Variants in TRDN observed in about 807,000 individuals in gnomAD.
The protein encoded by TRDN is triadin in skeletal muscle.
In TRDN, 161 loss-of-function variants were observed where a neutral mutation model predicts 149.7. That is an observed-to-expected ratio of 1.08 (90% CI 0.95 to 1.23). TRDN has a LOEUF of 1.23. Ranked by LOEUF, TRDN falls within the 50% of genes most tolerant of loss-of-function variation. The pLI is 0.00. For synonymous variants in TRDN, 294 were observed against 250.5 expected (o/e 1.17, Z -1.64); for missense variants, 896 against 823.5 (o/e 1.09, Z -1.08).
At chr6:123,288,669 T>C (rs918966450) in intron 24 of TRDN, among the ~76,000 whole-genome samples, 7 of 151,978 alleles carry the variant, frequency 4.6e-5, no homozygotes, top group African/African-American at 7.2e-5. Context: ...TAAATTAAAC[T>C]ACAATAAGAT....
chr6:123,377,635 C>A lies in TRDN; in HGVS notation c.1246+81G>T, dbSNP rs1260815543. 2.6e-6 allele frequency: 4 copies of A among 1,538,522 alleles called. No homozygotes were observed. In the African/African-American group the frequency reaches 5.5e-5, roughly 21 times the overall value. Reference sequence around the variant, plus strand: ...CATTCCCCACCCTTTACTGGCGCTGCCTTACCACCTGTTTGAGGCTACAGC... The same window carrying A: ...CATTCCCCACCCTTTACTGGCGCTGACTTACCACCTGTTTGAGGCTACAGC... On this transcript the variant is annotated intron_variant, in intron 18 of 40. Coordinates refer to ENST00000334268, the MANE Select transcript of TRDN (RefSeq NM_006073.4).
intron 34 of TRDN, among the ~76,000 whole-genome samples, 184 bp downstream of exon 34, chr6:123,260,428 A>G (rs1423533249): frequency 6.6e-6 from 1 of 151,996 alleles, no homozygotes; most frequent in African/African-American, 2.4e-5. Flanking sequence ...GTAAGAATGG[A>G]CACATTGCAT....
At chr6:123,472,330 T>G (rs1039289961) in intron 9 of TRDN, among the ~76,000 whole-genome samples, 2 of 152,220 alleles carry the variant, frequency 1.3e-5, no homozygotes, top group African/African-American at 4.8e-5. Context: ...GGACAGCACC[T>G]GGAAAATCGG....
rs117866603 is a variant in TRDN, at chr6:123,376,078, T to G, written c.1247-447A>C. ...AAGTTGCTGCATTGTAATCACACACTGAAAAAAATAGATAATAATTTCAAG... is the reference window on the plus strand; with the variant it reads ...AAGTTGCTGCATTGTAATCACACACGGAAAAAAATAGATAATAATTTCAAG... On this transcript the variant is annotated intron_variant, in intron 18 of 40. Transcript: ENST00000334268. Among the ~76,000 whole-genome samples the G allele has an allele frequency of 2.6e-3, 401 of 152,292 alleles. 1 individual carries two copies. Among genetic ancestry groups the G allele is most frequent in the Middle Eastern group, 6.8e-3 (2 of 294 alleles).
intron 4 of TRDN, among the ~76,000 whole-genome samples, chr6:123,541,580 C>T (rs1362832069): frequency 6.6e-6 from 1 of 152,102 alleles, no homozygotes; most frequent in African/African-American, 2.4e-5. Flanking sequence ...TTGGGAAAGA[C>T]AGGTAGAAGA....
At chr6:123,606,170 C>T (rs538614864) in intron 1 of TRDN, among the ~76,000 whole-genome samples, 3 of 152,006 alleles carry the variant, frequency 2.0e-5, no homozygotes, top group South Asian at 2.1e-4. Context: ...TGAGAAAGAC[C>T]GTAAGGAGAT....
intron 12 of TRDN, among the ~76,000 whole-genome samples, chr6:123,421,310 T>TAA (rs1773888517): frequency 6.6e-6 from 1 of 152,176 alleles, no homozygotes. Flanking sequence ...CTACTATTTC[T>TAA]CTTGGTCTCT....
chr6:123,550,949 A>C (rs779084739), intron 2 of TRDN, among the ~76,000 whole-genome samples: 11 of 151,912 alleles, frequency 7.2e-5, no homozygotes, highest in Non-Finnish European at 1.5e-4. Context: ...TTATAATTGC[A>C]ATTGAGGATT....
At chr6:123,406,862 G>A (rs1018779952) in intron 12 of TRDN, among the ~76,000 whole-genome samples, 9 of 152,014 alleles carry the variant, frequency 5.9e-5, no homozygotes, top group South Asian at 2.1e-4. Context: ...AAAAATTGTC[G>A]TCTTTATCTC....
chr6:123,580,627 A>G (rs1336054823), intron 1 of TRDN, among the ~76,000 whole-genome samples: 1 of 152,310 alleles, frequency 6.6e-6, no homozygotes, highest in East Asian at 1.9e-4. Flanking sequence ...GAAAACCATG[A>G]TTATTATACC....
chr6:123,415,618 T>A (rs1773617943), intron 12 of TRDN, among the ~76,000 whole-genome samples: 1 of 152,190 alleles, frequency 6.6e-6, no homozygotes, highest in South Asian at 2.1e-4. Context: ...AGCCAAATAA[T>A]CATAACCACA....
At chr6:123,472,751 C>T (rs377362931) in intron 9 of TRDN, among the ~76,000 whole-genome samples, 34 of 152,316 alleles carry the variant, frequency 2.2e-4, no homozygotes, top group South Asian at 1.0e-3. Context: ...GGGCAGAGAA[C>T]GGGCAGACTG....
intron 10 of TRDN, 103 bp downstream of exon 10, chr6:123,464,801 AAT>A: frequency 6.7e-7 from 1 of 1,500,914 alleles, no homozygotes; most frequent in Non-Finnish European, 8.9e-7. Flanking sequence ...TATTTAAGAA[AAT>A]ATTGGATTTT....
chr6:123,414,151 C>T (rs1233398907), intron 12 of TRDN, among the ~76,000 whole-genome samples: 2 of 147,162 alleles, frequency 1.4e-5, no homozygotes, highest in African/African-American at 5.1e-5. Flanking sequence ...TTTTGATGAA[C>T]CTATGCCACA....
chr6:123,316,902 A>G (rs1314413249), intron 23 of TRDN, among the ~76,000 whole-genome samples: 2 of 151,810 alleles, frequency 1.3e-5, no homozygotes, highest in African/African-American at 4.8e-5. Flanking sequence ...TTTGACTACC[A>G]TACATTTAAT....
chr6:123,622,254 A>C (rs891355325), intron 1 of TRDN, among the ~76,000 whole-genome samples: 1 of 152,074 alleles, frequency 6.6e-6, no homozygotes, highest in Non-Finnish European at 1.5e-5. Context: ...TTTTCTTAAA[A>C]AACATTTTCC....
intron 1 of TRDN, among the ~76,000 whole-genome samples, chr6:123,630,147 AG>A (rs1785910079): frequency 7.0e-6 from 1 of 142,262 alleles, no homozygotes; most frequent in African/African-American, 3.1e-5. Context: ...TGCCAGATGA[AG>A]ATTTTTCCCC....
At chr6:123,228,645 T>C (rs1298123461) in intron 38 of TRDN, among the ~76,000 whole-genome samples, 1 of 151,872 alleles carries the variant, frequency 6.6e-6, no homozygotes, top group Non-Finnish European at 1.5e-5. Flanking sequence ...TGTGGGGATA[T>C]GGAAATATAG....
rs1214482724 is a variant in TRDN, at chr6:123,220,819, G to C, written c.2050+668C>G. Among the ~76,000 whole-genome samples, 3 of 151,826 alleles carry C rather than the reference G, an allele frequency of 2.0e-5. No homozygotes were observed. The East Asian group carries it at 5.9e-4, about 30-fold the overall frequency. On this transcript the variant is annotated intron_variant, in intron 40 of 40. Transcript: ENST00000334268. ...AAAGCATTATGTGACACAAACTTCAGTTATACCTATTTCAAAAATTGCTTC... is the reference window on the plus strand; with the variant it reads ...AAAGCATTATGTGACACAAACTTCACTTATACCTATTTCAAAAATTGCTTC...
Sources: allele counts gnomAD v4.1 joint callset (sites outside exome capture counted in the v4.1 genomes callset), GRCh38; gene constraint gnomAD v4.1.1; transcripts MANE v1.5; gene names NCBI Gene and HGNC (gene_info 2026-07-23, HGNC 2026-07-21).